The following LARP4B variants were observed in gnomAD, a reference collection of about 807,000 sequenced individuals.
The protein encoded by LARP4B is la-related protein 4B.
In LARP4B, 12 loss-of-function variants were observed where a neutral mutation model predicts 89.8. The observed-to-expected ratio is 0.13, with a 90% CI of 0.09 to 0.22. The LOEUF (loss-of-function observed/expected upper bound fraction) is 0.22, where lower values mean the gene tolerates loss of function less well. Among genes scored for constraint, LARP4B ranks in the 10% least tolerant of loss-of-function variants. The pLI, the probability that LARP4B is intolerant of heterozygous loss-of-function variation, is 1.00. For synonymous variants in LARP4B, 367 were observed against 363.3 expected, an observed-to-expected ratio of 1.01 and a Z score of -0.12; for missense variants, 757 against 947.7, an observed-to-expected ratio of 0.80 and a Z score of 2.64.
intron 7 of LARP4B, among the ~76,000 whole-genome samples, chr10:842,292 G>A (rs1484040237): frequency 6.6e-6 from 1 of 151,868 alleles, no homozygotes; most frequent in East Asian, 1.9e-4. Context: ...CCGCCTCCTG[G>A]GTTCAAGTGA....
At chr10:960,242 G>A in the LARP4B span, among the ~76,000 whole-genome samples, 1 of 152,102 alleles carries the variant, frequency 6.6e-6, no homozygotes, top group East Asian at 1.9e-4. Flanking sequence ...GACAGAGGGG[G>A]AGGGATGAGA....
At chr10:933,946 C>T (rs1370259974), upstream of LARP4B, among the ~76,000 whole-genome samples, 1 of 151,944 alleles carries the variant, frequency 6.6e-6, no homozygotes, top group Non-Finnish European at 1.5e-5. Context: ...GATTCTCCTG[C>T]CTCAGCCTCC....
intron 2 of LARP4B, among the ~76,000 whole-genome samples, chr10:885,078 A>G (rs1052910902): frequency 6.6e-6 from 1 of 152,204 alleles, no homozygotes; most frequent in Non-Finnish European, 1.5e-5. Context: ...GAAACAGCAG[A>G]ATCAGGCCAT....
chr10:950,216 CT>C, the LARP4B span, among the ~76,000 whole-genome samples: 1 of 152,164 alleles, frequency 6.6e-6, no homozygotes, highest in Non-Finnish European at 1.5e-5. Flanking sequence ...TTAACATAGC[CT>C]TTTGCGGAGC....
chr10:982,599 T>C, the LARP4B span, among the ~76,000 whole-genome samples: 3 of 152,248 alleles, frequency 2.0e-5, no homozygotes, highest in African/African-American at 7.2e-5. Flanking sequence ...CATATATACT[T>C]CTAAAATTTA....
chr10:894,034 G>A (rs1231141902), intron 1 of LARP4B, among the ~76,000 whole-genome samples: 3 of 152,182 alleles, frequency 2.0e-5, no homozygotes, highest in Admixed American at 6.5e-5. Flanking sequence ...TGACAGGATC[G>A]GAAAAATCAA....
chr10:828,195 C>T (rs1832724861), intron 11 of LARP4B, among the ~76,000 whole-genome samples: 3 of 152,210 alleles, frequency 2.0e-5, no homozygotes, highest in Non-Finnish European at 4.4e-5. Context: ...TTCCCCAACT[C>T]CCTGCCACCC....
chr10:889,753 C>A (rs1005678849), intron 1 of LARP4B, among the ~76,000 whole-genome samples: 18 of 152,240 alleles, frequency 1.2e-4, no homozygotes, highest in Middle Eastern at 3.4e-3. Context: ...AGTTCAAGAC[C>A]AGACCGGCCA....
the LARP4B span, among the ~76,000 whole-genome samples, chr10:948,050 G>C: frequency 6.6e-6 from 1 of 152,058 alleles, no homozygotes; most frequent in African/African-American, 2.4e-5. Flanking sequence ...CCAAGAGTGA[G>C]GTCCTCCTGC....
chr10:813,582 G>A (rs142083698), intron 17 of LARP4B, among the ~76,000 whole-genome samples: 3,628 of 152,228 alleles, frequency 0.024, 61 homozygotes, highest in Non-Finnish European at 0.037. Flanking sequence ...AGGTGCCCAC[G>A]GTGGGCAATG....
chr10:915,763 G>A (rs1334585649), intron 1 of LARP4B, among the ~76,000 whole-genome samples: 5 of 151,580 alleles, frequency 3.3e-5, no homozygotes, highest in Non-Finnish European at 7.4e-5. Flanking sequence ...AACCCAGGAG[G>A]CGGAGGTTGC....
intron 3 of LARP4B, among the ~76,000 whole-genome samples, chr10:876,202 A>G (rs1835444332): frequency 1.3e-5 from 2 of 152,142 alleles, no homozygotes; most frequent in East Asian, 1.9e-4. Context: ...CCTGACCAAC[A>G]TGGAGAAACC....
chr10:944,630 T>C, the LARP4B span, among the ~76,000 whole-genome samples: 1 of 152,256 alleles, frequency 6.6e-6, no homozygotes, highest in African/African-American at 2.4e-5. Flanking sequence ...AAACTCCAGC[T>C]GTGGGCATCT....
At chr10:869,821 A>C (rs1344061854) in intron 3 of LARP4B, among the ~76,000 whole-genome samples, 2 of 151,486 alleles carry the variant, frequency 1.3e-5, no homozygotes, top group African/African-American at 4.8e-5. Context: ...CAATCACTTG[A>C]ACTTGGGAGG....
At chr10:897,891 G>A (rs1836233113) in intron 1 of LARP4B, among the ~76,000 whole-genome samples, 1 of 149,820 alleles carries the variant, frequency 6.7e-6, no homozygotes, top group Non-Finnish European at 1.5e-5. Flanking sequence ...GGGAGGCTGA[G>A]GCAAGAGAAT....
At chr10:833,508 A>G (rs1484075893) in intron 8 of LARP4B, among the ~76,000 whole-genome samples, 1 of 152,216 alleles carries the variant, frequency 6.6e-6, no homozygotes, top group Non-Finnish European at 1.5e-5. Context: ...GACAAAACAG[A>G]AAACAAACAG....
chr10:922,974 C>T (rs1040934409), intron 1 of LARP4B, among the ~76,000 whole-genome samples: 5 of 152,032 alleles, frequency 3.3e-5, no homozygotes, highest in Non-Finnish European at 7.4e-5. Flanking sequence ...ACTTGGGAGG[C>T]TGAGGCAGGA....
At chr10:924,247 TA>T (rs1837073726) in intron 1 of LARP4B, 1 of 152,086 alleles carries the variant, frequency 6.6e-6, no homozygotes, top group African/African-American at 2.4e-5. Flanking sequence ...AAAAATAAAA[TA>T]TTTTTTAAAC....
rs539198471 is a variant in LARP4B, at chr10:860,277, G to C, written c.430+3466C>G. ...GAAACATAAATTAAAGCCACAGTAA[G>C]ATTCTACTGTCTCCCTTTTACAGCA... On this transcript the variant is annotated intron_variant, in intron 5 of 17. Coordinates refer to ENST00000316157, the MANE Select transcript of LARP4B (RefSeq NM_015155.3). Among the ~76,000 whole-genome samples the C allele has an allele frequency of 7.2e-5, 11 of 152,264 alleles. No homozygotes were observed. The South Asian group carries it at 1.5e-3, about 20-fold the overall frequency.
Sources: gnomAD v4.1 joint callset for allele counts (sites outside exome capture counted in the v4.1 genomes callset) on GRCh38, gnomAD v4.1.1 for gene constraint, MANE v1.5 for transcripts, NCBI Gene and HGNC (gene_info 2026-07-23, HGNC 2026-07-21) for gene names.